SLC19A2: variants seen among roughly 807,000 people sequenced by gnomAD.
SLC19A2 encodes thiamine transporter 1.
In SLC19A2, 27 loss-of-function variants were observed where a neutral mutation model predicts 44.7. The ratio of observed to expected loss-of-function variants is 0.60; its 90% CI spans 0.45 to 0.83. The LOEUF (loss-of-function observed/expected upper bound fraction) is 0.83. Among genes scored for constraint, SLC19A2 ranks in the 40% least tolerant of loss-of-function variants. The pLI, the probability that SLC19A2 is intolerant of heterozygous loss-of-function variation, is 0.00. For synonymous variants in SLC19A2, 239 were observed against 243.6 expected, an observed-to-expected ratio of 0.98 and a Z score of 0.18; for missense variants, 566 against 613.7, an observed-to-expected ratio of 0.92 and a Z score of 0.82.
At chr1:169,475,139 CTA>C (rs995460777) in intron 2 of SLC19A2, among the ~76,000 whole-genome samples, 1 of 152,098 alleles carries the variant, frequency 6.6e-6, no homozygotes, top group African/African-American at 2.4e-5. Context: ...ATTTCTAACT[CTA>C]AAATTCTACA....
chr1:169,480,204 C>CT (rs1191841570), intron 1 of SLC19A2, among the ~76,000 whole-genome samples: 2 of 152,336 alleles, frequency 1.3e-5, no homozygotes, highest in East Asian at 3.9e-4. Flanking sequence ...TTAAATAACT[C>CT]TAAGTAGAAA....
intron 2 of SLC19A2, 21 bp downstream of exon 2, chr1:169,477,134 G>C (rs1206088424): frequency 1.9e-6 from 3 of 1,612,954 alleles, no homozygotes; most frequent in Non-Finnish European, 2.5e-6. Flanking sequence ...GCAATTACAA[G>C]ATATTTAAGG....
rs747756819 is a variant in SLC19A2 at position 169,468,177 on chromosome 1, T to C, written c.1299A>G (p.Ala433=). The change falls in exon 5 of 6, where the codon GCA becomes GCG. Residue 433 remains alanine, a synonymous_variant. Transcript: ENST00000236137. ...CAATTAGAGTGAGCAGCGTCTGCAGTGCCAGGGCAATGAAGGTATTTACAC... is the reference window on the plus strand; with the variant it reads ...CAATTAGAGTGAGCAGCGTCTGCAGCGCCAGGGCAATGAAGGTATTTACAC... ...VFGVNTFIAL[A]LQTLLTLIVV... 2 of 1,613,838 alleles carry C rather than the reference T, an allele frequency of 1.2e-6. No individual in the cohort carries two copies. Among genetic ancestry groups the C allele is most frequent in the African/African-American group, 1.3e-5 (1 of 74,898 alleles).
intron 2 of SLC19A2, among the ~76,000 whole-genome samples, chr1:169,473,452 G>T (rs1183148334): frequency 6.6e-6 from 1 of 150,638 alleles, no homozygotes; most frequent in East Asian, 2.0e-4. Flanking sequence ...CACTATGTTG[G>T]CAAGGCTCGT....
At chr1:169,469,655 A>C (rs1288809841) in intron 3 of SLC19A2, among the ~76,000 whole-genome samples, 1 of 152,184 alleles carries the variant, frequency 6.6e-6, no homozygotes. Context: ...ATTGCCATTC[A>C]AAATTTCACA....
intron 2 of SLC19A2, among the ~76,000 whole-genome samples, chr1:169,472,608 A>T (rs1658214181): frequency 6.6e-6 from 1 of 152,242 alleles, no homozygotes; most frequent in Non-Finnish European, 1.5e-5. Flanking sequence ...ACATAAAATA[A>T]TGCCCAGTAT....
At position 169,477,465 on chromosome 1, in the gene SLC19A2, A is replaced by G. The variant is rs1308116371; in HGVS notation, c.497T>C (p.Leu166Ser). The change falls in exon 2 of 6, where the codon TTG becomes TCG. Residue 166 changes from leucine (L) to serine (S), a missense_variant. Physicochemically the swap from Leu to Ser is moderately radical, Grantham distance 145. Coordinates refer to ENST00000236137, the MANE Select transcript of SLC19A2 (RefSeq NM_006996.3). Reference sequence around the variant, plus strand: ...GACAGAGCCCACTGTAAAGCCCACCAAAGTGGCACTTCGACAGTAACTTGT... The same window carrying G: ...GACAGAGCCCACTGTAAAGCCCACCGAAGTGGCACTTCGACAGTAACTTGT... ...KVTSYCRSAT[L>S]VGFTVGSVLG... 1.2e-6 allele frequency: 2 copies of G among 1,614,064 alleles called. No individual in the cohort carries two copies. Among genetic ancestry groups the G allele is most frequent in the Non-Finnish European group, 1.7e-6 (2 of 1,180,036 alleles).
chr1:169,469,827 G>A (rs1658122492), intron 3 of SLC19A2, 137 bp downstream of exon 3: 2 of 834,956 alleles, frequency 2.4e-6, no homozygotes, highest in Admixed American at 2.0e-5. Flanking sequence ...CTCCTAAATT[G>A]TAAAATCTAG....
Position 169,485,716 on chromosome 1 carries a change from A to C in SLC19A2, c.51T>G (p.Thr17=). 1.3e-6 allele frequency: 2 copies of C among 1,538,824 alleles called. No homozygotes were observed. Among genetic ancestry groups the C allele is most frequent in the Non-Finnish European group, 1.7e-6 (2 of 1,145,542 alleles). The part of the protein sequence containing the change: ...VSRRAAAAAA[T]VLLRTARVRR... Reference sequence around the variant, plus strand: ...GGACCCGAGCGGTCCGCAGGAGCACAGTGGCCGCCGCCGCCGCCGCCCGCC... The same window carrying C: ...GGACCCGAGCGGTCCGCAGGAGCACCGTGGCCGCCGCCGCCGCCGCCCGCC... Residue 17 remains threonine (T), a synonymous_variant, in exon 1 of 6, where the codon ACT becomes ACG. Transcript: ENST00000236137.
chr1:169,465,177 G>T lies in SLC19A2; in HGVS notation c.*672C>A, dbSNP rs1449413080. On this transcript the variant is annotated 3_prime_UTR_variant, in exon 6 of 6. Transcript: ENST00000236137. ...GGAAGCATATGAATAATGCAAAAAC[G>T]TACTTCTAAACAAATTTTACAGAAA... 6.6e-6 allele frequency: 1 copy of T among 152,124 alleles called. No homozygotes were observed. The highest frequency in any genetic ancestry group is 1.5e-5 in the Non-Finnish European group (1 of 68,040). 9.4% of individuals were successfully genotyped at this position (152,124 alleles called of 1,614,324 possible).
chr1:169,464,723 T>C lies in SLC19A2; in HGVS notation c.*1126A>G, dbSNP rs1657947664. ...GAAATCACTAGCAATTTTAAGCAAA[T>C]ATTCAAGATGATCTACCTTTAGAAA... On this transcript the variant is annotated 3_prime_UTR_variant, in exon 6 of 6. Transcript: ENST00000236137. The C allele has an allele frequency of 6.6e-6, 1 of 152,526 alleles. No homozygotes were observed. Among genetic ancestry groups the C allele is most frequent in the African/African-American group, 2.4e-5 (1 of 41,414 alleles). 9.4% of individuals were successfully genotyped at this position (152,526 alleles called of 1,614,324 possible). A position where few individuals can be genotyped will look rare whatever the true frequency, so the allele number is the denominator to read the frequency against.
intron 1 of SLC19A2, among the ~76,000 whole-genome samples, chr1:169,479,719 GC>G (rs772968874): frequency 1.6e-4 from 24 of 152,122 alleles, no homozygotes; most frequent in Non-Finnish European, 2.1e-4. Flanking sequence ...TTTGTCAGTG[GC>G]CTCAACTTTT....
At position 169,477,515 on chromosome 1, in the gene SLC19A2, C is replaced by A. The variant is rs1419834347; in HGVS notation, c.447G>T (p.Val149=). 1 of 1,614,044 alleles carries A rather than the reference C, an allele frequency of 6.2e-7. No individual in the cohort carries two copies. Among genetic ancestry groups the A allele is most frequent in the Non-Finnish European group, 8.5e-7 (1 of 1,180,028 alleles). ...TGACTTTCTGGTACATGCCCAGGTC[C>A]ACCACACTGTAGATATAAGAGTAAT... ...IAYYSYIYSV[V]DLGMYQKVTS... is the part of the protein sequence containing the mutation. Residue 149 remains valine (V), a synonymous_variant, in exon 2 of 6, where the codon GTG becomes GTT. Transcript: ENST00000236137.
intron 2 of SLC19A2, among the ~76,000 whole-genome samples, chr1:169,471,183 C>A (rs1027937299): frequency 6.6e-6 from 1 of 151,890 alleles, no homozygotes; most frequent in Non-Finnish European, 1.5e-5. Flanking sequence ...TACAAGACTA[C>A]ATGTAGATCA....
In SLC19A2 at chr1:169,485,566, C is replaced by T. The variant is rs1302425866; in HGVS notation, c.201G>A (p.Arg67=). ...LLGPDKNLTE[R]EVFNEIYPVW... is the part of the protein sequence containing the mutation. ...GCCCCGCGTCCGCCGCGCGTACCTC[C>T]CTCTCGGTCAGGTTCTTGTCCGGCC... Residue 67 remains arginine, a synonymous_variant, in exon 1 of 6, where the codon AGG becomes AGA. Coordinates refer to ENST00000236137, the MANE Select transcript of SLC19A2 (RefSeq NM_006996.3). The T allele has an allele frequency of 1.3e-6, 2 of 1,584,752 alleles. No individual in the cohort carries two copies. Among genetic ancestry groups the T allele is most frequent in the East Asian group, 2.3e-5 (1 of 42,990 alleles).
chr1:169,476,172 G>T (rs61808980), intron 2 of SLC19A2, among the ~76,000 whole-genome samples: 16,852 of 151,740 alleles, frequency 0.11, 1,000 homozygotes, highest in Admixed American at 0.14. Flanking sequence ...GGTGTCTAGG[G>T]AAAGGAATTC....
At chr1:169,480,558 C>T (rs973703960) in intron 1 of SLC19A2, among the ~76,000 whole-genome samples, 11 of 152,002 alleles carry the variant, frequency 7.2e-5, no homozygotes, top group Admixed American at 1.3e-4. Flanking sequence ...ATGATCCGCC[C>T]GCCTCAGCCT....
At position 169,485,620 on chromosome 1, in the gene SLC19A2, G is replaced by C. The variant is rs1464446632; in HGVS notation, c.147C>G (p.Ser49=). The change falls in exon 1 of 6, where the codon TCC becomes TCG. Residue 49 remains serine (S), a synonymous_variant. Coordinates refer to ENST00000236137, the MANE Select transcript of SLC19A2 (RefSeq NM_006996.3). ...AYGFFASLRP[S]EPFLTPYLLG... is the part of the protein sequence containing the mutation. Reference sequence around the variant, plus strand: ...GCAGGTACGGGGTCAGGAAGGGCTCGGACGGCCTGAGGCTGGCGAAGAAGC... The same window carrying C: ...GCAGGTACGGGGTCAGGAAGGGCTCCGACGGCCTGAGGCTGGCGAAGAAGC... 3 of 1,572,286 alleles carry C rather than the reference G, an allele frequency of 1.9e-6. No homozygotes were observed. Among genetic ancestry groups the C allele is most frequent in the African/African-American group, 2.7e-5 (2 of 73,978 alleles).
rs184529626 is a variant in SLC19A2 at position 169,474,445 on chromosome 1, T to C, written c.807+2710A>G. ...CAGTTTCACCAATCAGCCAACTACA[T>C]AATGAATCCAGCTCTGCTTGTAAAA... On this transcript the variant is annotated intron_variant, in intron 2 of 5. Coordinates refer to ENST00000236137, the MANE Select transcript of SLC19A2 (RefSeq NM_006996.3). Among the ~76,000 whole-genome samples the C allele has an allele frequency of 2.2e-4, 34 of 152,296 alleles. 1 individual carries two copies. The highest frequency in any genetic ancestry group is 7.9e-4 in the African/African-American group (33 of 41,570).
Sources: allele counts gnomAD v4.1 joint callset (sites outside exome capture counted in the v4.1 genomes callset), GRCh38; gene constraint gnomAD v4.1.1; transcripts MANE v1.5; gene names NCBI Gene and HGNC (gene_info 2026-07-23, HGNC 2026-07-21).